Variants in CHD1L observed in about 807,000 individuals in gnomAD.
The protein encoded by CHD1L is chromodomain helicase DNA binding protein 1 like, also known as ATP-dependent chromatin remodeler CHD1L.
A neutral mutation model predicts 115.9 loss-of-function variants in CHD1L; 118 were observed. The observed-to-expected ratio is 1.02, with a 90% confidence interval of 0.88 to 1.19. The LOEUF (loss-of-function observed/expected upper bound fraction) is 1.19, where lower values mean the gene tolerates loss of function less well. Among genes scored for constraint, CHD1L ranks in the 50% most tolerant of loss-of-function variants. The pLI is 0.00. For synonymous variants in CHD1L, 411 were observed against 387.1 expected (o/e 1.06, Z -0.72); for missense variants, 1,179 against 1,065.3 (o/e 1.11, Z -1.49).
upstream of CHD1L, among the ~76,000 whole-genome samples, chr1:147,238,999 C>T (rs1293066325): frequency 2.0e-5 from 3 of 152,140 alleles, no homozygotes; most frequent in Non-Finnish European, 4.4e-5. Context: ...ATTCAATTAA[C>T]TGATAAAATA....
the CHD1L span, chr1:147,184,665 A>C: frequency 6.8e-7 from 1 of 1,476,060 alleles, no homozygotes; most frequent in East Asian, 2.6e-5. This position sits in a 1 kb window ranked among gnomAD's most constrained non-coding sequence, Gnocchi z 4.4. Context: ...TACAACAGAG[A>C]GGTAAAGTGG....
chr1:147,279,874 C>G (rs910435566), intron 14 of CHD1L, 152 bp from the exon 15 acceptor site: 49 of 684,642 alleles, frequency 7.2e-5, no homozygotes, highest in Non-Finnish European at 1.2e-4. Flanking sequence ...ATGGCCCTGG[C>G]TGTTACTATC....
At chr1:147,287,106 T>A (rs1683475514) in intron 18 of CHD1L, among the ~76,000 whole-genome samples, 1 of 152,150 alleles carries the variant, frequency 6.6e-6, no homozygotes. Flanking sequence ...CAGCAGGGGT[T>A]TTTTCTTGTT....
chr1:147,275,430 G>A lies in CHD1L; in HGVS notation c.1347G>A (p.Leu449=). The A allele has an allele frequency of 1.2e-6, 2 of 1,614,126 alleles. No individual in the cohort carries two copies. The highest frequency in any genetic ancestry group is 1.1e-5 in the South Asian group (1 of 91,080). ...GTGACTTTAATCCTCAGAATGACTT[G>A]CAAGCAGCTGCCAGGGCTCATCGCA... ...VDSDFNPQND[L]QAAARAHRIG... The change falls in exon 13 of 23, where the codon TTG becomes TTA. Residue 449 remains leucine (L), a synonymous_variant. Transcript: ENST00000369258.
In CHD1L at chr1:147,265,968, T is replaced by C. The variant is rs782819498; in HGVS notation, c.776T>C (p.Leu259Pro). 1 of 1,613,656 alleles carries C rather than the reference T, an allele frequency of 6.2e-7. No homozygotes were observed. The highest frequency in any genetic ancestry group is 8.5e-7 in the Non-Finnish European group (1 of 1,179,818). ...CACAAACTCTTGCAGCCATTTCTGC[T>C]GAGGCGAGTGAAAGCTGAGGTAGCT... Reference protein sequence around the residue: ...ELHKLLQPFLLRRVKAEVATE... With the variant: ...ELHKLLQPFLPRRVKAEVATE... Residue 259 changes from leucine (L) to proline (P), a missense_variant, in exon 8 of 23, where the codon CTG becomes CCG. Leu to Pro is a moderately conservative substitution (Grantham distance 98). Coordinates refer to ENST00000369258, the MANE Select transcript of CHD1L (RefSeq NM_004284.6).
the CHD1L span, chr1:147,186,673 G>C: frequency 1.5e-6 from 2 of 1,350,566 alleles, no homozygotes; most frequent in South Asian, 3.7e-5. Flanking sequence ...TCCCAGTCTA[G>C]GGATTACCAC....
At chr1:147,278,738 T>C (rs1553959839) in intron 14 of CHD1L, among the ~76,000 whole-genome samples, 2 of 152,046 alleles carry the variant, frequency 1.3e-5, no homozygotes, top group African/African-American at 4.8e-5. Context: ...GGTGCTCTTT[T>C]CCAGTTGTTT....
At chr1:147,285,583 TTCA>T in intron 17 of CHD1L, 96 bp downstream of exon 17, 1 of 1,360,568 alleles carries the variant, frequency 7.3e-7, no homozygotes, top group Non-Finnish European at 9.9e-7. Context: ...ATACAGAAAA[TTCA>T]TTTTAAGTTG....
At chr1:147,178,195 C>G in the CHD1L span, 29 of 1,612,392 alleles carry the variant, frequency 1.8e-5, no homozygotes, top group African/African-American at 2.7e-5. Context: ...CTCCGACGTG[C>G]TAGGACTCAG....
chr1:147,199,068 A>G, the CHD1L span, among the ~76,000 whole-genome samples: 2,641 of 152,248 alleles, frequency 0.017, 79 homozygotes, highest in African/African-American at 0.061. Flanking sequence ...AACAGAAACT[A>G]TGTTTCATTT....
the CHD1L span, chr1:147,176,297 G>C: frequency 6.6e-6 from 1 of 151,678 alleles, no homozygotes; most frequent in South Asian, 2.1e-4. Flanking sequence ...CCAATTCAAA[G>C]GTACAGAATT....
chr1:147,184,209 AAATAAT>A, the CHD1L span: 3 of 192,812 alleles, frequency 1.6e-5, no homozygotes, highest in South Asian at 1.6e-4. The surrounding 1 kb of genome is among the most constrained non-coding windows in gnomAD (Gnocchi z 4.4). Context: ...CTGAGCCAAA[AAATAAT>A]AATAATAACT....
the CHD1L span, chr1:147,216,019 A>C: frequency 9.0e-7 from 1 of 1,106,790 alleles, no homozygotes; most frequent in Non-Finnish European, 1.3e-6. Flanking sequence ...ACATCTGAAA[A>C]AGTTTTCTGA....
intron 15 of CHD1L, among the ~76,000 whole-genome samples, chr1:147,282,893 C>T (rs1281765706): frequency 6.6e-6 from 1 of 152,166 alleles, no homozygotes; most frequent in Non-Finnish European, 1.5e-5. Flanking sequence ...GGAATTTTCT[C>T]TTCGATGAAT....
chr1:147,207,269 A>T, the CHD1L span, among the ~76,000 whole-genome samples: 14 of 152,186 alleles, frequency 9.2e-5, no homozygotes, highest in African/African-American at 3.4e-4. Context: ...GTATGGACCT[A>T]TCTACAGAGA....
the CHD1L span, among the ~76,000 whole-genome samples, chr1:147,231,526 C>A: frequency 5.3e-4 from 81 of 152,254 alleles, no homozygotes; most frequent in African/African-American, 1.8e-3. Flanking sequence ...ATTAAGTCCA[C>A]CTGGTGCAGA....
chr1:147,285,535 A>G (rs374406960), intron 17 of CHD1L, 48 bp downstream of exon 17: 4 of 1,558,888 alleles, frequency 2.6e-6, no homozygotes, highest in African/African-American at 1.4e-5. Flanking sequence ...AGGAGTCACT[A>G]TTGTATAGTG....
intron 5 of CHD1L, among the ~76,000 whole-genome samples, chr1:147,258,142 A>C (rs185338678): frequency 9.8e-5 from 15 of 152,336 alleles, no homozygotes; most frequent in African/African-American, 3.6e-4. Context: ...AAGGCTGTGC[A>C]TGTTACAAAT....
the CHD1L span, among the ~76,000 whole-genome samples, chr1:147,207,797 G>A: frequency 6.6e-6 from 1 of 151,926 alleles, no homozygotes; most frequent in Non-Finnish European, 1.5e-5. Context: ...CCACCCTTAG[G>A]GCAAACTCCT....
Sources: allele counts gnomAD v4.1 joint callset (sites outside exome capture counted in the v4.1 genomes callset), GRCh38; gene constraint gnomAD v4.1.1; non-coding constraint Gnocchi (gnomAD v3.1); transcripts MANE v1.5; gene names NCBI Gene and HGNC (gene_info 2026-07-23, HGNC 2026-07-21).